The following JPH1 variants were observed in gnomAD, a reference collection of about 807,000 sequenced individuals.
JPH1 encodes junctophilin 1.
In JPH1, 12 loss-of-function variants were observed where a neutral mutation model predicts 53.6. The observed-to-expected ratio is 0.22, with a 90% CI of 0.14 to 0.36. JPH1 has a LOEUF of 0.36. Ranked by LOEUF, JPH1 falls within the 10% of genes least tolerant of loss-of-function variation. JPH1 has a pLI of 1.00. For missense variants in JPH1, 808 were observed against 905.5 expected (o/e 0.89, Z 1.38); for synonymous variants, 375 against 363.8 (o/e 1.03, Z -0.35).
At chr8:74,303,475 TA>T (rs1469050470) in intron 2 of JPH1, among the ~76,000 whole-genome samples, 2 of 152,224 alleles carry the variant, frequency 1.3e-5, no homozygotes, top group African/African-American at 4.8e-5. Context: ...CCACAGGTCC[TA>T]GTGAATCTGC....
chr8:74,313,373 G>A (rs1808050100), intron 2 of JPH1, among the ~76,000 whole-genome samples: 1 of 152,128 alleles, frequency 6.6e-6, no homozygotes. Context: ...AGGAGAGAGA[G>A]AGACCCTTCA....
At chr8:74,298,113 C>T (rs1807573669) in intron 2 of JPH1, among the ~76,000 whole-genome samples, 2 of 152,154 alleles carry the variant, frequency 1.3e-5, no homozygotes, top group South Asian at 2.1e-4. Flanking sequence ...GTATTCATAT[C>T]CTCGGGAAGC....
rs551392484 is a variant in JPH1 at position 74,259,510 on chromosome 8, G to C, written c.1140-7C>G. 3 of 1,563,262 alleles carry C rather than the reference G, an allele frequency of 1.9e-6. No homozygotes were observed. The Admixed American group carries it at 5.5e-5, about 29-fold the overall frequency. On this transcript the variant is annotated splice_polypyrimidine_tract_variant and splice_region_variant and intron_variant, in intron 2 of 5. Coordinates refer to ENST00000342232, the MANE Select transcript of JPH1 (RefSeq NM_020647.4). ...CGCTCTGGCATGTGCAGTCCTACAC[G>C]GGGCACAAAAGGACGAGTCAGCATA...
At chr8:74,259,814 A>G (rs747294883) in intron 2 of JPH1, among the ~76,000 whole-genome samples, 2 of 152,186 alleles carry the variant, frequency 1.3e-5, no homozygotes, top group Non-Finnish European at 2.9e-5. Flanking sequence ...TTTGGTTGGC[A>G]TTCCTCCCCC....
chr8:74,292,852 A>C (rs905416017), intron 2 of JPH1, among the ~76,000 whole-genome samples: 8 of 152,208 alleles, frequency 5.3e-5, no homozygotes, highest in African/African-American at 1.9e-4. Context: ...GCAAGGCAAA[A>C]AGCAAGACAA....
At position 74,320,027 on chromosome 8, in the gene JPH1, A is replaced by G. The variant is rs1808269696; in HGVS notation, c.379+882T>C. Among the ~76,000 whole-genome samples the G allele has an allele frequency of 1.3e-5, 2 of 152,368 alleles. No individual in the cohort carries two copies. Among genetic ancestry groups the G allele is most frequent in the South Asian group, 4.1e-4 (2 of 4,830 alleles). On this transcript the variant is annotated intron_variant, in intron 1 of 5. Transcript: ENST00000342232. The surrounding 1 kb of genome is among the most constrained non-coding windows in gnomAD (Gnocchi z 4.4). ...AGGTGATCTTTGTTCACAGCCAGGA[A>G]TACTGGCTTAGGTCACACATAATGC...
chr8:74,296,990 T>C (rs902104938), intron 2 of JPH1, among the ~76,000 whole-genome samples: 1 of 152,044 alleles, frequency 6.6e-6, no homozygotes, highest in Non-Finnish European at 1.5e-5. Flanking sequence ...ACCTGAAGAG[T>C]TCAGGACATA....
At chr8:74,272,109 C>G (rs1278923721) in intron 2 of JPH1, among the ~76,000 whole-genome samples, 1 of 152,174 alleles carries the variant, frequency 6.6e-6, no homozygotes, top group African/African-American at 2.4e-5. Flanking sequence ...CTCCAGGTTT[C>G]AGATAACTTT....
In JPH1 at chr8:74,315,321, C is replaced by T. The variant is rs757145209; in HGVS notation, c.679G>A (p.Glu227Lys). The T allele has an allele frequency of 3.7e-6, 6 of 1,613,718 alleles. No individual in the cohort carries two copies. The African/African-American group carries it at 4.0e-5, about 11-fold the overall frequency. The change falls in exon 2 of 6, where the codon GAA becomes AAA. Residue 227 changes from glutamate (E) to lysine (K), a missense_variant. This residue lies in a region of JPH1 where 756 missense variants were observed against 811.9 expected (regional missense o/e 0.93). Coordinates refer to ENST00000342232, the MANE Select transcript of JPH1 (RefSeq NM_020647.4). This position sits in a 1 kb window ranked among gnomAD's most constrained non-coding sequence, Gnocchi z 6.3. ...TTGCTCGAGATGGAAGACTTGGATT[C>T]GGACTTGCGAAGTTTCATGCTTCCA... ...LLGSMKLRKS[E>K]SKSSISSKRS...
At chr8:74,248,789 T>A (rs145988172) in intron 3 of JPH1, among the ~76,000 whole-genome samples, 4 of 152,358 alleles carry the variant, frequency 2.6e-5, no homozygotes, top group African/African-American at 9.6e-5. Context: ...TGCTACTTGT[T>A]CTGTGTAGTA....
In JPH1 at chr8:74,244,534, T is replaced by G. The variant is rs1294465454; in HGVS notation, c.1900A>C (p.Asn634His). 1 of 1,601,210 alleles carries G rather than the reference T, an allele frequency of 6.2e-7. No individual in the cohort carries two copies. Among genetic ancestry groups the G allele is most frequent in the South Asian group, 1.1e-5 (1 of 88,504 alleles). The change falls in exon 4 of 6, where the codon AAT (asparagine) becomes CAT (histidine). Residue 634 changes from asparagine (N) to histidine (H), a missense_variant. Physicochemically the swap from Asn to His is moderately conservative, Grantham distance 68. Coordinates refer to ENST00000342232, the MANE Select transcript of JPH1 (RefSeq NM_020647.4). ...ACGCTACTTGCAGTACTTACTGAAT[T>G]GGCTTCTTTTTCCAAAGCAGGGCAT... ...DSCPALEKEA[N>H]SGPNSIMIVL...
At chr8:74,251,293 T>C (rs1365490813) in intron 3 of JPH1, among the ~76,000 whole-genome samples, 2 of 152,230 alleles carry the variant, frequency 1.3e-5, no homozygotes, top group Admixed American at 6.5e-5. Context: ...TTTCTTTAGA[T>C]GTTTTTATAA....
rs779389440 is a variant in JPH1 at position 74,264,570 on chromosome 8, C to T, written c.1140-5067G>A. Among the ~76,000 whole-genome samples, 10 of 152,270 alleles carry T rather than the reference C, an allele frequency of 6.6e-5. No individual in the cohort carries two copies. In the East Asian group the frequency reaches 1.3e-3, roughly 21 times the overall value. ...ACACTAAGGGACATAATATCCCTAA[C>T]GAAGTCTGGTATTTGATATTTCAAG... On this transcript the variant is annotated intron_variant, in intron 2 of 5. Transcript: ENST00000342232.
chr8:74,316,763 TAAGC>T (rs1372933761), intron 1 of JPH1, among the ~76,000 whole-genome samples: 1 of 152,312 alleles, frequency 6.6e-6, no homozygotes, highest in East Asian at 1.9e-4. Flanking sequence ...ACTAAATAAA[TAAGC>T]AAAGACATTA....
intron 2 of JPH1, among the ~76,000 whole-genome samples, chr8:74,263,654 T>C (rs1311153260): frequency 1.3e-5 from 2 of 152,198 alleles, no homozygotes; most frequent in South Asian, 4.1e-4. Flanking sequence ...TCACATGCTC[T>C]GGTTCACTGT....
intron 2 of JPH1, among the ~76,000 whole-genome samples, chr8:74,262,027 C>T (rs1586742925): frequency 6.6e-6 from 1 of 152,126 alleles, no homozygotes; most frequent in Non-Finnish European, 1.5e-5. Flanking sequence ...AGTACTTAAC[C>T]CTTTACTTTT....
chr8:74,257,496 A>C (rs1472439845), intron 3 of JPH1, among the ~76,000 whole-genome samples: 1 of 152,168 alleles, frequency 6.6e-6, no homozygotes, highest in Non-Finnish European at 1.5e-5. Context: ...GTTTGCTTTC[A>C]AAGCCGCTCA....
At chr8:74,313,867 A>C (rs969194420) in intron 2 of JPH1, among the ~76,000 whole-genome samples, 1 of 152,088 alleles carries the variant, frequency 6.6e-6, no homozygotes, top group Admixed American at 6.5e-5. Flanking sequence ...TAAAAATAAA[A>C]TTTTCCATTT....
intron 3 of JPH1, among the ~76,000 whole-genome samples, chr8:74,258,120 C>T (rs562113660): frequency 6.6e-6 from 1 of 152,274 alleles, no homozygotes; most frequent in African/African-American, 2.4e-5. Context: ...ACAGCGTATA[C>T]CCCTCACCAG....
Sources: allele counts gnomAD v4.1 joint callset (sites outside exome capture counted in the v4.1 genomes callset), GRCh38; gene constraint gnomAD v4.1.1; regional missense constraint gnomAD v4.1.1; non-coding constraint Gnocchi (gnomAD v3.1); transcripts MANE v1.5; gene names NCBI Gene and HGNC (gene_info 2026-07-23, HGNC 2026-07-21).